TAOK3: variants seen among roughly 807,000 people sequenced by gnomAD.
TAOK3 encodes serine/threonine-protein kinase TAO3.
A neutral mutation model predicts 120.4 loss-of-function variants in TAOK3; 40 were observed. That is an observed-to-expected ratio of 0.33 (90% CI 0.26 to 0.43). The LOEUF is 0.43. TAOK3 is among the 20% of genes least tolerant of loss of function. The pLI, the probability that TAOK3 is intolerant of heterozygous loss-of-function variation, is 1.00. For synonymous variants in TAOK3, 355 were observed against 387.5 expected, an observed-to-expected ratio of 0.92 and a Z score of 0.99; for missense variants, 821 against 1,112.1, an observed-to-expected ratio of 0.74 and a Z score of 3.72.
chr12:118,207,165 A>G (rs2038366134), intron 11 of TAOK3, among the ~76,000 whole-genome samples: 1 of 151,760 alleles, frequency 6.6e-6, no homozygotes, highest in South Asian at 2.1e-4. Context: ...TGTCTCTACT[A>G]AAAATAGAAA....
chr12:118,351,524 A>G (rs935561249), intron 1 of TAOK3, among the ~76,000 whole-genome samples: 4 of 152,230 alleles, frequency 2.6e-5, no homozygotes, highest in African/African-American at 9.6e-5. Context: ...TCAAATATCC[A>G]TACTCTTACA....
chr12:118,199,981 T>C (rs2037941131), intron 12 of TAOK3: 1 of 152,160 alleles, frequency 6.6e-6, no homozygotes, highest in Non-Finnish European at 1.5e-5. Context: ...GATTGAATAA[T>C]AAAATTAAAT....
intron 6 of TAOK3, among the ~76,000 whole-genome samples, 178 bp downstream of exon 6, chr12:118,239,049 A>G (rs551512338): frequency 6.6e-6 from 1 of 152,354 alleles, no homozygotes; most frequent in East Asian, 1.9e-4. Context: ...AAGACTGCTA[A>G]CATCACTCAG....
At chr12:118,151,277 G>A in intron 20 of TAOK3, 119 bp from the exon 21 acceptor site, 1 of 673,698 alleles carries the variant, frequency 1.5e-6, no homozygotes, top group Non-Finnish European at 2.2e-6. Context: ...CACACATGAA[G>A]TGCGCGCGCG....
chr12:118,254,924 A>AT (rs778512087), intron 3 of TAOK3, among the ~76,000 whole-genome samples: 63 of 147,126 alleles, frequency 4.3e-4, no homozygotes, highest in Middle Eastern at 6.8e-3. Flanking sequence ...CGCCTGGCTA[A>AT]TTTTTTTTTT....
At chr12:118,339,275 CTTTTTT>C (rs72009582) in intron 1 of TAOK3, among the ~76,000 whole-genome samples, 12 of 86,924 alleles carry the variant, frequency 1.4e-4, no homozygotes, top group Admixed American at 4.6e-4. Flanking sequence ...CTTCATCATA[CTTTTTT>C]TTTTTTTTTT....
At chr12:118,213,780 G>C (rs899482517) in intron 10 of TAOK3, among the ~76,000 whole-genome samples, 1 of 152,116 alleles carries the variant, frequency 6.6e-6, no homozygotes, top group Admixed American at 6.6e-5. Context: ...GCAGGATTTT[G>C]GTTACTAGAC....
chr12:118,217,570 C>G (rs1397977009), intron 9 of TAOK3, among the ~76,000 whole-genome samples: 1 of 151,382 alleles, frequency 6.6e-6, no homozygotes, highest in Non-Finnish European at 1.5e-5. Flanking sequence ...CCTGTAATCC[C>G]AGCTACTTGG....
At chr12:118,359,971 T>G (rs1037130667) in intron 1 of TAOK3, among the ~76,000 whole-genome samples, 3 of 152,052 alleles carry the variant, frequency 2.0e-5, no homozygotes, top group African/African-American at 7.2e-5. Context: ...GCGCGATTAT[T>G]AAGAATGTAT....
intron 1 of TAOK3, among the ~76,000 whole-genome samples, chr12:118,308,276 T>C (rs1024417044): frequency 3.3e-5 from 5 of 152,242 alleles, no homozygotes; most frequent in Non-Finnish European, 5.9e-5. Context: ...GCATGAATAA[T>C]AGACCCTTTG....
At chr12:118,321,544 C>T (rs1296434032) in intron 1 of TAOK3, among the ~76,000 whole-genome samples, 6 of 152,076 alleles carry the variant, frequency 3.9e-5, no homozygotes, top group Non-Finnish European at 7.4e-5. Flanking sequence ...ACAGCCACCA[C>T]GCCTGGCTGC....
chr12:118,240,717 A>G (rs1346233881), intron 5 of TAOK3, among the ~76,000 whole-genome samples: 1 of 152,124 alleles, frequency 6.6e-6, no homozygotes, highest in Non-Finnish European at 1.5e-5. Context: ...GGGTTCAGCA[A>G]CCAATCTCCA....
chr12:118,312,144 T>C (rs930862182), intron 1 of TAOK3, among the ~76,000 whole-genome samples: 2 of 152,148 alleles, frequency 1.3e-5, no homozygotes, highest in Non-Finnish European at 2.9e-5. Flanking sequence ...TGTAAATCTA[T>C]AATTTTAAAA....
chr12:118,334,647 G>T (rs1277825589), intron 1 of TAOK3, among the ~76,000 whole-genome samples: 3 of 152,256 alleles, frequency 2.0e-5, no homozygotes, highest in Middle Eastern at 3.4e-3. Context: ...AGGCTGAGGT[G>T]GGCAGATCAT....
At chr12:118,367,221 T>C (rs1172388437) in intron 1 of TAOK3, among the ~76,000 whole-genome samples, 2 of 152,168 alleles carry the variant, frequency 1.3e-5, no homozygotes, top group African/African-American at 4.8e-5. Flanking sequence ...GCCAGGGAAT[T>C]AGCCCTTTAA....
At chr12:118,218,401 C>T (rs555163778) in intron 9 of TAOK3, among the ~76,000 whole-genome samples, 1 of 152,172 alleles carries the variant, frequency 6.6e-6, no homozygotes, top group East Asian at 1.9e-4. Flanking sequence ...CCTGCATATA[C>T]CAAAATCCAT....
intron 17 of TAOK3, among the ~76,000 whole-genome samples, chr12:118,162,458 T>C (rs1213372324): frequency 6.6e-6 from 1 of 152,092 alleles, no homozygotes; most frequent in African/African-American, 2.4e-5. Flanking sequence ...TCTCACAGGG[T>C]GAAATTCTTA....
Position 118,172,527 on chromosome 12 carries a change from T to C in TAOK3, c.1829A>G (p.Lys610Arg), listed in dbSNP as rs2036062771. ...LLTQQRLYYD[K>R]NCRFFKRKIM... is the part of the protein sequence containing the mutation. ...TTTCCGCTTGAAGAAACGACAATTT[T>C]TGTCGTAGTACAGTCTCTGTTGAGT... is the stretch of plus-strand genomic sequence containing the variant. The change falls in exon 17 of 21, where the codon AAA becomes AGA. Residue 610 changes from lysine (K) to arginine (R), a missense_variant. By Grantham distance (26) the Lys-to-Arg change is conservative. This residue lies in a region of TAOK3 where 354 missense variants were observed against 572.1 expected (regional missense o/e 0.62). Coordinates refer to ENST00000392533, the MANE Select transcript of TAOK3 (RefSeq NM_016281.4). 1.2e-6 allele frequency: 2 copies of C among 1,614,206 alleles called. No homozygotes were observed. The highest frequency in any genetic ancestry group is 1.6e-4 in the Middle Eastern group (1 of 6,062).
At chr12:118,252,972 TG>T (rs912425332) in intron 3 of TAOK3, among the ~76,000 whole-genome samples, 1 of 152,036 alleles carries the variant, frequency 6.6e-6, no homozygotes, top group African/African-American at 2.4e-5. Flanking sequence ...GTGATCCGCC[TG>T]CCTCAGCCTC....
Sources: gnomAD v4.1 joint callset for allele counts (sites outside exome capture counted in the v4.1 genomes callset) on GRCh38, gnomAD v4.1.1 for gene constraint, gnomAD v4.1.1 regional missense constraint, MANE v1.5 for transcripts, NCBI Gene and HGNC (gene_info 2026-07-23, HGNC 2026-07-21) for gene names.